Variants in KAZN observed in about 807,000 individuals in gnomAD.
KAZN encodes the protein kazrin.
Under a neutral mutation model 87.4 loss-of-function variants are expected in KAZN, and 40 were observed. The observed-to-expected ratio is 0.46, with a 90% CI of 0.36 to 0.60. The LOEUF is 0.60. KAZN is among the 20% of genes least tolerant of loss of function. The pLI is 0.00. For missense variants in KAZN, 898 were observed against 1,073.9 expected, an observed-to-expected ratio of 0.84 and a Z score of 2.29; for synonymous variants, 466 against 458.3, an observed-to-expected ratio of 1.02 and a Z score of -0.22.
At chr1:14,370,139 G>A (rs1486663034) in intron 2 of KAZN, among the ~76,000 whole-genome samples, 2 of 152,202 alleles carry the variant, frequency 1.3e-5, no homozygotes, top group Non-Finnish European at 2.9e-5. Flanking sequence ...TTCCACAGAG[G>A]GTGGATGTCT....
chr1:14,924,609 G>A (rs1363345159), intron 1 of KAZN: 51 of 998,580 alleles, frequency 5.1e-5, no homozygotes, highest in Non-Finnish European at 5.9e-5. Context: ...CGGGCGGCGC[G>A]GACACAGGCC....
intron 2 of KAZN, among the ~76,000 whole-genome samples, chr1:14,214,241 C>A (rs1591857): frequency 6.6e-6 from 1 of 151,818 alleles, no homozygotes; most frequent in Non-Finnish European, 1.5e-5. Flanking sequence ...CTCCGGCTTT[C>A]TTTGGAGTGT....
intron 2 of KAZN, among the ~76,000 whole-genome samples, chr1:14,590,724 A>G (rs1557820266): frequency 6.6e-6 from 1 of 152,184 alleles, no homozygotes; most frequent in Admixed American, 6.5e-5. Flanking sequence ...CATCACCGAT[A>G]ACATCTATTA....
rs570270296 is a variant in KAZN at position 14,745,919 on chromosome 1, G to A, written c.226+146696G>A. Among the ~76,000 whole-genome samples the A allele has an allele frequency of 7.2e-5, 11 of 152,260 alleles. No individual in the cohort carries two copies. In the East Asian group the frequency reaches 1.5e-3, roughly 21 times the overall value. ...TTCAAAAGACTGTTCTGGGCGAACC[G>A]TTCTGCTGGGCACTTGGCATCCCCG... On this transcript the variant is annotated intron_variant, in intron 1 of 14. Coordinates refer to ENST00000376030, the MANE Select transcript of KAZN (RefSeq NM_201628.3).
rs114775183 is a variant in KAZN at position 15,064,615 on chromosome 1, C to T, written c.1098+993C>T. On this transcript the variant is annotated intron_variant, in intron 7 of 14. Coordinates refer to ENST00000376030, the MANE Select transcript of KAZN (RefSeq NM_201628.3). ...AAAACGTCTCAGAGCAGCTCAGGTG[C>T]TTTCCAGGGTTCCACAGGTAGAGTC... 8.1e-3 allele frequency among the ~76,000 whole-genome samples: 1,231 copies of T among 152,346 alleles called. 21 individuals carry two copies. The highest frequency in any genetic ancestry group is 0.028 in the African/African-American group (1,147 of 41,584).
intron 2 of KAZN, among the ~76,000 whole-genome samples, chr1:14,566,743 T>A (rs1378438650): frequency 6.6e-6 from 1 of 152,238 alleles, no homozygotes; most frequent in African/African-American, 2.4e-5. Context: ...GTTACACCAA[T>A]GCCTTTTTTC....
chr1:15,023,043 G>A (rs1391760697), intron 2 of KAZN, among the ~76,000 whole-genome samples: 4 of 152,246 alleles, frequency 2.6e-5, no homozygotes, highest in Non-Finnish European at 5.9e-5. Context: ...CCTGCCTTCA[G>A]GTGGCCTCTA....
At chr1:14,587,861 A>T (rs1675955175) in intron 2 of KAZN, among the ~76,000 whole-genome samples, 1 of 152,174 alleles carries the variant, frequency 6.6e-6, no homozygotes. Flanking sequence ...TCCCCAGAAA[A>T]AAAGATGACT....
chr1:14,978,406 G>C (rs914719455), intron 2 of KAZN, among the ~76,000 whole-genome samples: 2 of 152,198 alleles, frequency 1.3e-5, no homozygotes, highest in African/African-American at 4.8e-5. Context: ...CTTGAGGGAT[G>C]TGATGGTGGG....
At chr1:14,200,156 C>A (rs1025998451) in intron 2 of KAZN, among the ~76,000 whole-genome samples, 1 of 151,776 alleles carries the variant, frequency 6.6e-6, no homozygotes, top group African/African-American at 2.4e-5. Context: ...AATAAAAATC[C>A]AATAATATTT....
intron 1 of KAZN, among the ~76,000 whole-genome samples, chr1:13,972,971 T>A (rs948770719): frequency 6.6e-6 from 1 of 152,232 alleles, no homozygotes; most frequent in Admixed American, 6.5e-5. Context: ...GTCTATCACA[T>A]GCCAGGAATT....
intron 2 of KAZN, among the ~76,000 whole-genome samples, chr1:14,292,741 C>A (rs1445486769): frequency 2.6e-5 from 4 of 152,200 alleles, no homozygotes; most frequent in Non-Finnish European, 5.9e-5. Flanking sequence ...AGAGGGGGTG[C>A]ATCATTTCTC....
rs541874546 is a variant in KAZN, at chr1:14,921,288, C to G, written c.227-39396C>G. On this transcript the variant is annotated intron_variant, in intron 1 of 14. Transcript: ENST00000376030. Reference sequence around the variant, plus strand: ...AGCAGCTTGGATGACTGAAAAGTAACTAGGACGTATGTGCGCTTCAGGAGG... The same window carrying G: ...AGCAGCTTGGATGACTGAAAAGTAAGTAGGACGTATGTGCGCTTCAGGAGG... Among the ~76,000 whole-genome samples, 18 of 152,212 alleles carry G rather than the reference C, an allele frequency of 1.2e-4. No individual in the cohort carries two copies. The South Asian group carries it at 3.3e-3, about 28-fold the overall frequency.
At chr1:14,549,949 G>A (rs1571911954) in intron 2 of KAZN, among the ~76,000 whole-genome samples, 2 of 152,220 alleles carry the variant, frequency 1.3e-5, no homozygotes, top group Admixed American at 1.3e-4. Flanking sequence ...GCATCTGAGA[G>A]GATGTTTGGT....
At chr1:14,321,171 C>G (rs1479625835) in intron 2 of KAZN, among the ~76,000 whole-genome samples, 3 of 152,080 alleles carry the variant, frequency 2.0e-5, no homozygotes, top group Non-Finnish European at 4.4e-5. Flanking sequence ...AAGTGTATAT[C>G]GTGGCTTACA....
At chr1:14,322,072 A>T (rs1435415177) in intron 2 of KAZN, among the ~76,000 whole-genome samples, 2 of 152,140 alleles carry the variant, frequency 1.3e-5, no homozygotes, top group African/African-American at 4.8e-5. Flanking sequence ...TTGAAGCTCA[A>T]CTTATCCACT....
intron 1 of KAZN, among the ~76,000 whole-genome samples, chr1:14,670,479 C>T (rs1258234587): frequency 6.6e-6 from 1 of 152,186 alleles, no homozygotes; most frequent in East Asian, 1.9e-4. Context: ...AGGGGCTACA[C>T]TTTGAGAACT....
At chr1:14,978,369 A>G (rs755160896) in intron 2 of KAZN, among the ~76,000 whole-genome samples, 1 of 151,836 alleles carries the variant, frequency 6.6e-6, no homozygotes, top group Non-Finnish European at 1.5e-5. Flanking sequence ...TCTACGGAGC[A>G]TCTGGATTGT....
rs200678887 is a variant in KAZN, at chr1:14,888,764, TTCTCAC to T, written c.227-71917_227-71912del. On this transcript the variant is annotated intron_variant, in intron 1 of 14. Transcript: ENST00000376030. ...ATAGCTTTCAACAGCAAGGATTTAT[TTCTCAC>T]TCATACTACATTATCCAGTGCAGCT... is the stretch of plus-strand genomic sequence containing the variant. 7.5e-4 allele frequency among the ~76,000 whole-genome samples: 114 copies of T among 152,266 alleles called. 2 individuals are homozygous for T. In the East Asian group the frequency reaches 0.02, roughly 27 times the overall value.
Sources: gnomAD v4.1 joint callset for allele counts (sites outside exome capture counted in the v4.1 genomes callset) on GRCh38, gnomAD v4.1.1 for gene constraint, MANE v1.5 for transcripts, NCBI Gene and HGNC (gene_info 2026-07-23, HGNC 2026-07-21) for gene names.